Variants in ANKRD44 observed in about 807,000 individuals in gnomAD.
ANKRD44 encodes the protein ankyrin repeat domain 44.
Under a neutral mutation model 116.0 loss-of-function variants are expected in ANKRD44, and 35 were observed. That is an observed-to-expected ratio of 0.30 (90% confidence interval 0.23 to 0.40). ANKRD44 has a LOEUF of 0.40. ANKRD44 is among the 10% of genes least tolerant of loss of function. ANKRD44 has a pLI of 1.00. For missense variants in ANKRD44, 1,014 were observed against 1,242.6 expected, an observed-to-expected ratio of 0.82 and a Z score of 2.77; for synonymous variants, 435 against 461.8, an observed-to-expected ratio of 0.94 and a Z score of 0.74.
At chr2:197,088,276 A>T (rs1180990910) in intron 12 of ANKRD44, among the ~76,000 whole-genome samples, 2 of 152,244 alleles carry the variant, frequency 1.3e-5, no homozygotes, top group Non-Finnish European at 2.9e-5. Context: ...TTAAAAGACT[A>T]AAAATTAGAT....
intron 27 of ANKRD44, among the ~76,000 whole-genome samples, chr2:196,991,564 A>G (rs1259536351): frequency 1.3e-5 from 2 of 152,120 alleles, no homozygotes; most frequent in Non-Finnish European, 2.9e-5. Flanking sequence ...AAAAATGTAC[A>G]ATCATTTAGG....
chr2:197,126,137 G>T, intron 4 of ANKRD44, 100 bp from the exon 5 acceptor site: 1 of 1,227,842 alleles, frequency 8.1e-7, no homozygotes, highest in Non-Finnish European at 1.2e-6. Context: ...TGGAGAGAAA[G>T]GCTCCCCAAC....
At chr2:197,282,152 C>G (rs1297224623) in intron 1 of ANKRD44, among the ~76,000 whole-genome samples, 1 of 152,074 alleles carries the variant, frequency 6.6e-6, no homozygotes, top group Non-Finnish European at 1.5e-5. Flanking sequence ...ACTCGGGAGG[C>G]TGAGGCAAGA....
chr2:197,087,213 T>TA (rs1260825192), intron 12 of ANKRD44, among the ~76,000 whole-genome samples: 1 of 152,216 alleles, frequency 6.6e-6, no homozygotes, highest in Non-Finnish European at 1.5e-5. Flanking sequence ...TCAACCCAGA[T>TA]ACTCCTTAAT....
At chr2:197,077,139 C>T (rs1322301303) in intron 16 of ANKRD44, among the ~76,000 whole-genome samples, 1 of 152,152 alleles carries the variant, frequency 6.6e-6, no homozygotes, top group East Asian at 1.9e-4. Context: ...TATAAACATT[C>T]CCTCTTCTCC....
intron 1 of ANKRD44, among the ~76,000 whole-genome samples, chr2:197,241,002 G>C (rs564743429): frequency 6.6e-6 from 1 of 151,870 alleles, no homozygotes; most frequent in East Asian, 1.9e-4. Context: ...TTTTGGACTG[G>C]GGGTATGCAA....
chr2:197,165,507 A>G (rs562870973), intron 2 of ANKRD44, among the ~76,000 whole-genome samples: 1 of 152,342 alleles, frequency 6.6e-6, no homozygotes, highest in South Asian at 2.1e-4. Context: ...ATCTCAGGTT[A>G]CCTGTGATCA....
At chr2:197,265,702 C>A (rs1455993960) in intron 1 of ANKRD44, among the ~76,000 whole-genome samples, 8 of 151,992 alleles carry the variant, frequency 5.3e-5, no homozygotes, top group Non-Finnish European at 8.8e-5. Flanking sequence ...TAATTGAGAC[C>A]ATTTATGAAC....
intron 1 of ANKRD44, among the ~76,000 whole-genome samples, chr2:197,234,959 T>C (rs1382936181): frequency 6.6e-6 from 1 of 152,214 alleles, no homozygotes. Flanking sequence ...CTAGACTCAA[T>C]GCTAAGTCTT....
intron 1 of ANKRD44, among the ~76,000 whole-genome samples, chr2:197,218,751 C>CTTTTTTTTTTTTTTTTTTTTTTTT (rs138330364): frequency 3.8e-5 from 2 of 52,346 alleles, no homozygotes; most frequent in Non-Finnish European, 7.0e-5. Flanking sequence ...GGTAAAGTCC[C>CTTTTTTTTTTTTTTTTTTTTTTTT]TTTTTTTTTT....
chr2:197,176,771 G>A (rs1332829158), intron 2 of ANKRD44, among the ~76,000 whole-genome samples: 1 of 152,114 alleles, frequency 6.6e-6, no homozygotes, highest in Non-Finnish European at 1.5e-5. Flanking sequence ...ATAGCCTTCT[G>A]AGCAGACAGT....
intron 2 of ANKRD44, among the ~76,000 whole-genome samples, chr2:197,157,929 G>A (rs939629092): frequency 6.6e-5 from 10 of 152,178 alleles, no homozygotes; most frequent in Non-Finnish European, 1.5e-4. Flanking sequence ...CCAAGTGACA[G>A]AAGCCCTTTT....
At chr2:197,266,119 G>A (rs1441539255) in intron 1 of ANKRD44, among the ~76,000 whole-genome samples, 1 of 152,088 alleles carries the variant, frequency 6.6e-6, no homozygotes, top group African/African-American at 2.4e-5. Flanking sequence ...GCTCATGCAA[G>A]CAGAACCTAT....
At chr2:197,193,565 C>T (rs1475720346) in intron 1 of ANKRD44, among the ~76,000 whole-genome samples, 1 of 152,096 alleles carries the variant, frequency 6.6e-6, no homozygotes, top group Non-Finnish European at 1.5e-5. Flanking sequence ...TTACAATAGC[C>T]ATTTTATAGA....
At chr2:197,077,325 T>C (rs529195969) in intron 16 of ANKRD44, among the ~76,000 whole-genome samples, 1 of 152,298 alleles carries the variant, frequency 6.6e-6, no homozygotes, top group South Asian at 2.1e-4. Flanking sequence ...CACTTAACAC[T>C]TGTATCAAAG....
At chr2:197,176,719 A>T (rs922963006) in intron 2 of ANKRD44, among the ~76,000 whole-genome samples, 6 of 152,148 alleles carry the variant, frequency 3.9e-5, no homozygotes, top group Non-Finnish European at 8.8e-5. Flanking sequence ...TTTAGAAAGT[A>T]CAAAGTGAGA....
At chr2:197,108,339 C>G (rs563119671) in intron 9 of ANKRD44, among the ~76,000 whole-genome samples, 2 of 152,270 alleles carry the variant, frequency 1.3e-5, no homozygotes, top group African/African-American at 4.8e-5. Context: ...GAACACTTGG[C>G]TTTATCATTA....
At chr2:197,084,130 T>C (rs1010837757) in intron 13 of ANKRD44, among the ~76,000 whole-genome samples, 3 of 152,184 alleles carry the variant, frequency 2.0e-5, no homozygotes, top group African/African-American at 7.2e-5. Flanking sequence ...CAATACTTGA[T>C]TCCTCAGCCT....
At chr2:197,113,164 G>T (rs2078629751) in intron 8 of ANKRD44, among the ~76,000 whole-genome samples, 1 of 152,188 alleles carries the variant, frequency 6.6e-6, no homozygotes, top group South Asian at 2.1e-4. Flanking sequence ...TCAAGAGAAT[G>T]AGATACAAAA....
Sources: allele counts gnomAD v4.1 joint callset (sites outside exome capture counted in the v4.1 genomes callset), GRCh38; gene constraint gnomAD v4.1.1; transcripts MANE v1.5; gene names NCBI Gene and HGNC (gene_info 2026-07-23, HGNC 2026-07-21).